EEIG1: variants seen among roughly 807,000 people sequenced by gnomAD.
The protein encoded by EEIG1 is estrogen-induced osteoclastogenesis regulator 1, also known as early estrogen-induced gene 1 protein.
the EEIG1 span, among the ~76,000 whole-genome samples, chr9:127,978,524 A>C: frequency 6.8e-6 from 1 of 146,178 alleles, no homozygotes; most frequent in South Asian, 2.1e-4. Context: ...ATTTTATTTC[A>C]TTTTTATTTT....
chr9:127,943,022 A>AT, the EEIG1 span: 59 of 665,974 alleles, frequency 8.9e-5, no homozygotes, highest in Non-Finnish European at 1.4e-4. Context: ...CCCAGCATGG[A>AT]TGGGAGGGGC....
the EEIG1 span, among the ~76,000 whole-genome samples, chr9:127,965,535 TAA>T: frequency 3.9e-5 from 6 of 152,218 alleles, no homozygotes; most frequent in East Asian, 1.2e-3. Flanking sequence ...CCCCATCACT[TAA>T]GTCCATCACT....
the EEIG1 span, among the ~76,000 whole-genome samples, chr9:127,946,606 G>A: frequency 6.6e-6 from 1 of 152,196 alleles, no homozygotes; most frequent in Admixed American, 6.5e-5. Context: ...TACTTCACAC[G>A]AAGGCACCAC....
the EEIG1 span, among the ~76,000 whole-genome samples, chr9:127,947,484 TG>T: frequency 4.6e-5 from 7 of 152,282 alleles, no homozygotes; most frequent in South Asian, 1.5e-3. Context: ...TACCATGTGC[TG>T]GGCAGGTGCC....
chr9:127,966,109 A>C, the EEIG1 span, among the ~76,000 whole-genome samples: 8 of 152,224 alleles, frequency 5.3e-5, no homozygotes, highest in Non-Finnish European at 1.2e-4. Flanking sequence ...CCAAAGAAGC[A>C]CAGAGTGGAC....
the EEIG1 span, among the ~76,000 whole-genome samples, chr9:127,972,820 A>G: frequency 6.6e-6 from 1 of 152,148 alleles, no homozygotes; most frequent in African/African-American, 2.4e-5. This position sits in a 1 kb window ranked among gnomAD's most constrained non-coding sequence, Gnocchi z 4.3. Context: ...GGGTGCCAAA[A>G]GAGGCTCAGG....
At chr9:127,959,634 G>A in the EEIG1 span, among the ~76,000 whole-genome samples, 11 of 152,316 alleles carry the variant, frequency 7.2e-5, no homozygotes, top group African/African-American at 2.6e-4. Flanking sequence ...GTTCTCATGA[G>A]ATCTGATGGT....
the EEIG1 span, among the ~76,000 whole-genome samples, chr9:127,954,766 G>A: frequency 9.2e-5 from 14 of 152,314 alleles, no homozygotes; most frequent in Admixed American, 4.6e-4. Context: ...CGGAGACAGC[G>A]ACCTGGGGGC....
At chr9:127,979,724 G>C in the EEIG1 span, among the ~76,000 whole-genome samples, 7 of 152,352 alleles carry the variant, frequency 4.6e-5, no homozygotes, top group East Asian at 5.8e-4. Context: ...GGCTGTACAT[G>C]CAAGTCTGCA....
the EEIG1 span, among the ~76,000 whole-genome samples, chr9:127,962,053 C>A: frequency 5.3e-5 from 8 of 152,196 alleles, no homozygotes; most frequent in South Asian, 2.1e-4. Context: ...GCTCCGATGG[C>A]ACCCAGCAGG....
At chr9:127,953,756 A>G in the EEIG1 span, 1 of 1,613,250 alleles carries the variant, frequency 6.2e-7, no homozygotes, top group Non-Finnish European at 8.5e-7. Flanking sequence ...TCATGAGGGG[A>G]GGGGCCTATA....
the EEIG1 span, among the ~76,000 whole-genome samples, chr9:127,964,039 G>T: frequency 6.6e-6 from 1 of 152,194 alleles, no homozygotes; most frequent in Non-Finnish European, 1.5e-5. Flanking sequence ...AGTGGGAACA[G>T]CACAGGGAAG....
At chr9:127,962,478 C>T in the EEIG1 span, among the ~76,000 whole-genome samples, 8 of 152,210 alleles carry the variant, frequency 5.3e-5, no homozygotes, top group South Asian at 2.1e-4. Context: ...CTCTGCAGAA[C>T]GACCCCACCC....
At chr9:127,977,828 A>G in the EEIG1 span, among the ~76,000 whole-genome samples, 2 of 152,148 alleles carry the variant, frequency 1.3e-5, no homozygotes, top group African/African-American at 2.4e-5. Context: ...TAATAATCCT[A>G]TGGGGCCCCC....
chr9:127,940,603 A>C, the EEIG1 span: 6 of 152,202 alleles, frequency 3.9e-5, no homozygotes, highest in African/African-American at 1.4e-4. Flanking sequence ...CGAAACATTT[A>C]ATTTTTTCTC....
the EEIG1 span, chr9:127,944,705 A>G: frequency 6.2e-7 from 1 of 1,612,776 alleles, no homozygotes; most frequent in Non-Finnish European, 8.5e-7. Context: ...ACAGGAGAGG[A>G]TGGAGGCTGA....
At chr9:127,979,100 G>A in the EEIG1 span, among the ~76,000 whole-genome samples, 1 of 152,102 alleles carries the variant, frequency 6.6e-6, no homozygotes, top group African/African-American at 2.4e-5. Flanking sequence ...AGTCTTCCAC[G>A]TAGGCCTCCC....
the EEIG1 span, chr9:127,945,296 A>G: frequency 8.1e-7 from 1 of 1,236,664 alleles, no homozygotes; most frequent in Non-Finnish European, 1.1e-6. This position sits in a 1 kb window ranked among gnomAD's most constrained non-coding sequence, Gnocchi z 6.5. Flanking sequence ...TGTTATAGGT[A>G]AAGAAGCGGA....
the EEIG1 span, among the ~76,000 whole-genome samples, chr9:127,969,781 G>A: frequency 6.6e-6 from 1 of 152,108 alleles, no homozygotes; most frequent in Non-Finnish European, 1.5e-5. Flanking sequence ...AGGTCAGAAC[G>A]GTTCAGGCTG....
Sources: gnomAD v4.1 joint callset for allele counts (sites outside exome capture counted in the v4.1 genomes callset) on GRCh38, gnomAD v4.1.1 for gene constraint, Gnocchi (gnomAD v3.1) non-coding constraint, MANE v1.5 for transcripts, NCBI Gene and HGNC (gene_info 2026-07-23, HGNC 2026-07-21) for gene names.